Variants in SPG11 observed in about 807,000 individuals in gnomAD.
SPG11 encodes the protein spatacsin.
SPG11 carries 222 observed loss-of-function variants against 274.0 expected under a neutral mutation model. That is an observed-to-expected ratio of 0.81 (90% CI 0.73 to 0.91). SPG11 has a LOEUF of 0.91. Ranked by LOEUF, SPG11 falls within the 40% of genes least tolerant of loss-of-function variation. The pLI, the probability that SPG11 is intolerant of heterozygous loss-of-function variation, is 0.00. For missense variants in SPG11, 3,114 were observed against 2,872.7 expected (o/e 1.08, Z -1.92); for synonymous variants, 1,144 against 1,039.7 (o/e 1.10, Z -1.93).
intron 17 of SPG11, among the ~76,000 whole-genome samples, chr15:44,611,893 C>A (rs1341184482): frequency 6.8e-6 from 1 of 147,086 alleles, no homozygotes; most frequent in Non-Finnish European, 1.5e-5. Flanking sequence ...GCAAGCTCCA[C>A]CTCCCCAGTT....
chr15:44,620,224 A>C lies in SPG11; in HGVS notation c.2800T>G (p.Tyr934Asp). ...TTATCTAAAATTTCATTCCTCATGT[A>C]GTTGTTACAGGAAGTATTCTGGTTA... is the stretch of plus-strand genomic sequence containing the variant. ...VINQNTSCNN[Y>D]MRNEILDKLA... Residue 934 changes from tyrosine (Y) to aspartate (D), a missense_variant, in exon 15 of 40, where the codon TAC becomes GAC. Transcript: ENST00000261866. 5.0e-6 allele frequency: 8 copies of C among 1,614,016 alleles called. No individual in the cohort carries two copies. Among genetic ancestry groups the C allele is most frequent in the Non-Finnish European group, 6.8e-6 (8 of 1,179,958 alleles).
At chr15:44,611,044 TAC>T in intron 17 of SPG11, 59 bp from the exon 18 acceptor site, 1 of 1,390,602 alleles carries the variant, frequency 7.2e-7, no homozygotes, top group Non-Finnish European at 9.9e-7. Context: ...AATTAAGGAT[TAC>T]ATAAATGTGA....
intron 35 of SPG11, 105 bp downstream of exon 35, chr15:44,569,293 A>G (rs2082369359): frequency 1.1e-6 from 1 of 873,604 alleles, no homozygotes; most frequent in Non-Finnish European, 1.9e-6. Flanking sequence ...CCTTCCCTCC[A>G]TTTTCCCAAG....
intron 23 of SPG11, among the ~76,000 whole-genome samples, chr15:44,597,598 T>C (rs999719532): frequency 2.6e-5 from 4 of 152,198 alleles, no homozygotes; most frequent in Non-Finnish European, 5.9e-5. Context: ...CTATTCACTT[T>C]AGAGTACTCA....
In SPG11 at chr15:44,585,859, A is replaced by G. The variant is rs370372318; in HGVS notation, c.4907-9T>C. ...CTTTTTCACATCTGGACCTGTGCCA[A>G]AGAGAAAAGGATATAAACATTTAGT... On this transcript the variant is annotated splice_polypyrimidine_tract_variant and intron_variant, in intron 28 of 39. Coordinates refer to ENST00000261866, the MANE Select transcript of SPG11 (RefSeq NM_025137.4). 11 of 1,613,044 alleles carry G rather than the reference A, an allele frequency of 6.8e-6. No homozygotes were observed. The highest frequency in any genetic ancestry group is 4.0e-5 in the African/African-American group (3 of 74,902).
In SPG11 at chr15:44,567,553, G is replaced by T. The variant is rs374057859; in HGVS notation, c.6625C>A (p.Arg2209Ser). 1.9e-6 allele frequency: 3 copies of T among 1,614,020 alleles called. No individual in the cohort carries two copies. The highest frequency in any genetic ancestry group is 2.5e-6 in the Non-Finnish European group (3 of 1,179,982). ...LKTALLDYIK[R>S]CRPGDSEKHN... ...TTTTCACTGTCTCCAGGACGGCAGC[G>T]TTTGATGTAGTCCAGCAGGGCTGTT... The change falls in exon 36 of 40, where the codon CGC (arginine) becomes AGC (serine). Residue 2209 changes from arginine (R) to serine (S), a missense_variant. Coordinates refer to ENST00000261866, the MANE Select transcript of SPG11 (RefSeq NM_025137.4).
At chr15:44,620,081 C>A in intron 15 of SPG11, 109 bp downstream of exon 15, 1 of 887,590 alleles carries the variant, frequency 1.1e-6, no homozygotes, top group Non-Finnish European at 1.8e-6. Context: ...TAATATGAAA[C>A]AACACTACAC....
intron 4 of SPG11, among the ~76,000 whole-genome samples, chr15:44,656,087 G>GC (rs1439165956): frequency 6.6e-6 from 1 of 152,126 alleles, no homozygotes; most frequent in African/African-American, 2.4e-5. Flanking sequence ...AGAGGGATGG[G>GC]CCTTCATAGG....
At chr15:44,649,048 A>G (rs770758952) in intron 6 of SPG11, 37 bp from the exon 7 acceptor site, 2 of 1,537,074 alleles carry the variant, frequency 1.3e-6, no homozygotes, top group Admixed American at 3.4e-5. Flanking sequence ...AACAAATTAG[A>G]TTAGATTTTA....
In SPG11 at chr15:44,660,436, A is replaced by C; in HGVS notation, c.438T>G (p.Asp146Glu). The change falls in exon 2 of 40, where the codon GAT becomes GAG. Residue 146 changes from aspartate to glutamate, a missense_variant. Coordinates refer to ENST00000261866, the MANE Select transcript of SPG11 (RefSeq NM_025137.4). ...EALQKLIDDQ[D>E]ISISLLSLRI... ...AGACCACCTGTAGATACTTACTGAT[A>C]TCTTGATCGTCAATGAGCTTTTGCA... 6.2e-7 allele frequency: 1 copy of C among 1,613,434 alleles called. No individual in the cohort carries two copies.
intron 11 of SPG11, among the ~76,000 whole-genome samples, chr15:44,624,990 G>A (rs1161146393): frequency 6.6e-6 from 1 of 151,998 alleles, no homozygotes; most frequent in African/African-American, 2.4e-5. Flanking sequence ...CACAAAATTA[G>A]CCAGGCATGG....
In SPG11 at chr15:44,598,856, A is replaced by G; in HGVS notation, c.3687-20T>C. ...TGGATCCTGAAAAAGAAAGGAATCAAAATCACATCAGCACATGAAAATTAT... is the reference window on the plus strand; with the variant it reads ...TGGATCCTGAAAAAGAAAGGAATCAGAATCACATCAGCACATGAAAATTAT... On this transcript the variant is annotated intron_variant, in intron 21 of 39. Coordinates refer to ENST00000261866, the MANE Select transcript of SPG11 (RefSeq NM_025137.4). 2.5e-6 allele frequency: 4 copies of G among 1,608,768 alleles called. No individual in the cohort carries two copies. The highest frequency in any genetic ancestry group is 3.4e-6 in the Non-Finnish European group (4 of 1,175,284).
In SPG11 at chr15:44,608,524, T is replaced by G; in HGVS notation, c.3373A>C (p.Lys1125Gln). The G allele has an allele frequency of 6.2e-7, 1 of 1,614,100 alleles. No homozygotes were observed. Among genetic ancestry groups the G allele is most frequent in the African/African-American group, 1.3e-5 (1 of 75,018 alleles). ...TGTGGGAAGAGAGCAGTTTTTAGCT[T>G]GGGGTAAGGAGTTAATGCCATCTTC... is the stretch of plus-strand genomic sequence containing the variant. Reference protein sequence around the residue: ...LLKMALTPYPKLKTALFPQCT... With the variant: ...LLKMALTPYPQLKTALFPQCT... Residue 1125 changes from lysine (K) to glutamine (Q), a missense_variant, in exon 19 of 40, where the codon AAG becomes CAG. Lys to Gln is a moderately conservative substitution (Grantham distance 53). Transcript: ENST00000261866.
chr15:44,575,059 T>C lies in SPG11; in HGVS notation c.5867-18A>G. The C allele has an allele frequency of 6.2e-7, 1 of 1,613,406 alleles. No homozygotes were observed. The highest frequency in any genetic ancestry group is 8.5e-7 in the Non-Finnish European group (1 of 1,179,950). ...ACTTGAAGCTGGAAGCAAATACAAG[T>C]CTGAGGGGCTCTAAGCTGGGAGGTT... On this transcript the variant is annotated intron_variant, in intron 30 of 39. Transcript: ENST00000261866.
At chr15:44,597,240 G>GT in intron 23 of SPG11, 1 of 313,510 alleles carries the variant, frequency 3.2e-6, no homozygotes, top group Non-Finnish European at 6.2e-6. Flanking sequence ...CAGCCTCCGA[G>GT]TAGCTGGGAT....
intron 28 of SPG11, among the ~76,000 whole-genome samples, chr15:44,587,408 G>C (rs1437901208): frequency 6.6e-6 from 1 of 152,136 alleles, no homozygotes; most frequent in Non-Finnish European, 1.5e-5. Context: ...ACATATTCCT[G>C]GCTGGGCACA....
intron 33 of SPG11, chr15:44,572,482 T>A (rs1471279730): frequency 6.7e-6 from 4 of 596,514 alleles, no homozygotes; most frequent in Non-Finnish European, 1.2e-5. Flanking sequence ...TTTGTATGAT[T>A]TTAAATTTGG....
intron 28 of SPG11, among the ~76,000 whole-genome samples, chr15:44,588,858 A>G (rs1567142555): frequency 6.6e-6 from 1 of 152,188 alleles, no homozygotes; most frequent in Non-Finnish European, 1.5e-5. Flanking sequence ...TTGCCAGCTT[A>G]TGAAGCAATG....
chr15:44,607,119 A>T (rs1373846603), intron 19 of SPG11, among the ~76,000 whole-genome samples: 1 of 152,184 alleles, frequency 6.6e-6, no homozygotes, highest in African/African-American at 2.4e-5. Context: ...CTACTGAACT[A>T]AACAGTGTAC....
Sources: gnomAD v4.1 joint callset for allele counts (sites outside exome capture counted in the v4.1 genomes callset) on GRCh38, gnomAD v4.1.1 for gene constraint, MANE v1.5 for transcripts, NCBI Gene and HGNC (gene_info 2026-07-23, HGNC 2026-07-21) for gene names.